ATP6V0D2: variants seen among roughly 807,000 people sequenced by gnomAD.
ATP6V0D2 encodes ATPase H+ transporting V0 subunit d2.
A neutral mutation model predicts 40.0 loss-of-function variants in ATP6V0D2; 40 were observed. The observed-to-expected ratio is 1.00, with a 90% CI of 0.78 to 1.30. The LOEUF (loss-of-function observed/expected upper bound fraction) is 1.30. Among genes scored for constraint, ATP6V0D2 ranks in the 50% most tolerant of loss-of-function variants. ATP6V0D2 has a pLI of 0.00. For synonymous variants in ATP6V0D2, 179 were observed against 156.3 expected (o/e 1.15, Z -1.08); for missense variants, 470 against 423.1 (o/e 1.11, Z -0.97).
chr8:86,119,347 G>A (rs1023036260), intron 2 of ATP6V0D2, among the ~76,000 whole-genome samples: 1 of 150,174 alleles, frequency 6.7e-6, no homozygotes, highest in South Asian at 2.1e-4. Flanking sequence ...TCCTGCTTCA[G>A]CCTTCCAAGT....
At chr8:86,128,336 T>G (rs1380185441) in intron 2 of ATP6V0D2, among the ~76,000 whole-genome samples, 1 of 151,250 alleles carries the variant, frequency 6.6e-6, no homozygotes, top group Non-Finnish European at 1.5e-5. Context: ...GCAACAAGAG[T>G]GAAACTCCAT....
At chr8:86,149,076 C>CAAAAAA (rs1563567503) in intron 5 of ATP6V0D2, among the ~76,000 whole-genome samples, 1 of 114,922 alleles carries the variant, frequency 8.7e-6, no homozygotes, top group Non-Finnish European at 1.7e-5. Context: ...AAAAAAAAAA[C>CAAAAAA]CAATGAACAA....
intron 1 of ATP6V0D2, among the ~76,000 whole-genome samples, chr8:86,103,488 A>C (rs1586083398): frequency 6.6e-6 from 1 of 152,078 alleles, no homozygotes; most frequent in South Asian, 2.1e-4. Flanking sequence ...GAAGCTGATT[A>C]TATCTCACTA....
intron 7 of ATP6V0D2, among the ~76,000 whole-genome samples, 191 bp downstream of exon 7, chr8:86,151,731 T>C (rs1242473403): frequency 6.6e-6 from 1 of 150,450 alleles, no homozygotes; most frequent in Non-Finnish European, 1.5e-5. Context: ...CTAGCAGTGC[T>C]GCTAAAGTTT....
At chr8:86,128,346 T>C (rs1056242692) in intron 2 of ATP6V0D2, among the ~76,000 whole-genome samples, 1 of 148,278 alleles carries the variant, frequency 6.7e-6, no homozygotes, top group African/African-American at 2.6e-5. Flanking sequence ...TGAAACTCCA[T>C]CTCAAAATAA....
In ATP6V0D2 at chr8:86,150,180, C is replaced by A. The variant is rs117846920; in HGVS notation, c.708C>A (p.Asp236Glu). ...NSFGTELSKE[D>E]RETLYPTFGK... ...TTGGCACTGAATTGAGCAAAGAAGACCGAGAGACCCTCTATCCAACCTTCG... is the reference window on the plus strand; with the variant it reads ...TTGGCACTGAATTGAGCAAAGAAGAACGAGAGACCCTCTATCCAACCTTCG... Residue 236 changes from aspartate (D) to glutamate (E), a missense_variant, in exon 6 of 8, where the codon GAC becomes GAA. Coordinates refer to ENST00000285393, the MANE Select transcript of ATP6V0D2 (RefSeq NM_152565.1). The A allele has an allele frequency of 6.2e-7, 1 of 1,613,460 alleles. No individual in the cohort carries two copies. The highest frequency in any genetic ancestry group is 2.2e-5 in the East Asian group (1 of 44,766).
chr8:86,143,371 A>G (rs555856636), intron 5 of ATP6V0D2, among the ~76,000 whole-genome samples: 2 of 152,354 alleles, frequency 1.3e-5, no homozygotes, highest in East Asian at 3.9e-4. Context: ...AAGTGAAAGC[A>G]AGTTTATTAA....
intron 2 of ATP6V0D2, among the ~76,000 whole-genome samples, chr8:86,124,645 A>G (rs1324555697): frequency 6.6e-6 from 1 of 152,184 alleles, no homozygotes; most frequent in Non-Finnish European, 1.5e-5. Context: ...TGGTTTCCTC[A>G]TCTGTAGTAC....
At chr8:86,107,921 G>A (rs1818487339) in intron 1 of ATP6V0D2, among the ~76,000 whole-genome samples, 1 of 152,104 alleles carries the variant, frequency 6.6e-6, no homozygotes, top group Admixed American at 6.5e-5. Flanking sequence ...AGAAGTGTCT[G>A]GTTGTACATC....
intron 2 of ATP6V0D2, among the ~76,000 whole-genome samples, chr8:86,138,875 C>T (rs1025143725): frequency 6.6e-6 from 1 of 152,170 alleles, no homozygotes; most frequent in Non-Finnish European, 1.5e-5. Flanking sequence ...GGGCTTCTTC[C>T]GCATATTCCC....
intron 5 of ATP6V0D2, among the ~76,000 whole-genome samples, chr8:86,149,821 G>A (rs1819118886): frequency 6.6e-6 from 1 of 152,090 alleles, no homozygotes; most frequent in Non-Finnish European, 1.5e-5. Context: ...GCGGCCTAAT[G>A]TGACAGAGAC....
intron 2 of ATP6V0D2, among the ~76,000 whole-genome samples, chr8:86,133,061 T>C (rs892046836): frequency 6.6e-6 from 1 of 152,162 alleles, no homozygotes; most frequent in African/African-American, 2.4e-5. Flanking sequence ...GGTTGAAGTA[T>C]TGGCGTCTTG....
chr8:86,127,237 A>G (rs1009874692), intron 2 of ATP6V0D2, among the ~76,000 whole-genome samples: 1 of 152,212 alleles, frequency 6.6e-6, no homozygotes, highest in Non-Finnish European at 1.5e-5. Flanking sequence ...ATGTAAGCAT[A>G]TGTGGTTAGT....
intron 7 of ATP6V0D2, among the ~76,000 whole-genome samples, chr8:86,151,913 G>A (rs1432482208): frequency 6.6e-6 from 1 of 151,656 alleles, no homozygotes; most frequent in African/African-American, 2.4e-5. Flanking sequence ...ATGAGATAAT[G>A]TTTCTTTTTT....
rs150698519 is a variant in ATP6V0D2, at chr8:86,151,541, G to T, written c.891+1G>T. The T allele has an allele frequency of 3.4e-4, 537 of 1,601,528 alleles. 1 individual carries two copies. In the East Asian group the frequency reaches 0.01, roughly 31 times the overall value. On this transcript the variant is annotated splice_donor_variant, in intron 7 of 7. Coordinates refer to ENST00000285393, the MANE Select transcript of ATP6V0D2 (RefSeq NM_152565.1). LOFTEE classifies it high-confidence loss of function. ...GGAGGACGTGTTTTACGAGCGTGAGGTATGATATAAGTGGAAATACTATTA... is the reference window on the plus strand; with the variant it reads ...GGAGGACGTGTTTTACGAGCGTGAGTTATGATATAAGTGGAAATACTATTA...
chr8:86,099,103 T>G lies in ATP6V0D2; in HGVS notation c.125T>G (p.Leu42Arg), dbSNP rs780754057. ...DYINLVQCET[L>R]EDLKIHLQTT... is the part of the protein sequence containing the mutation. ...ATCAACCTGGTCCAGTGTGAGACCCTAGAAGGTAAGTGTAGCTCTTCTCAC... is the reference window on the plus strand; with the variant it reads ...ATCAACCTGGTCCAGTGTGAGACCCGAGAAGGTAAGTGTAGCTCTTCTCAC... Residue 42 changes from leucine (L) to arginine (R), a missense_variant, in exon 1 of 8, where the codon CTA (leucine) becomes CGA (arginine). By Grantham distance (102) the Leu-to-Arg change is moderately radical (BLOSUM62 -2). Coordinates refer to ENST00000285393, the MANE Select transcript of ATP6V0D2 (RefSeq NM_152565.1). 18 of 1,607,378 alleles carry G rather than the reference T, an allele frequency of 1.1e-5. No homozygotes were observed. The highest frequency in any genetic ancestry group is 2.7e-5 in the African/African-American group (2 of 73,484).
intron 3 of ATP6V0D2, 67 bp downstream of exon 3, chr8:86,139,702 T>C (rs1818948970): frequency 6.1e-6 from 9 of 1,465,544 alleles, no homozygotes; most frequent in Non-Finnish European, 8.2e-6. Context: ...AAATGTACTA[T>C]TTTTTTCTTC....
chr8:86,132,187 G>A (rs1225310540), intron 2 of ATP6V0D2, among the ~76,000 whole-genome samples: 2 of 152,158 alleles, frequency 1.3e-5, no homozygotes, highest in South Asian at 2.1e-4. Context: ...ACCATTTGAA[G>A]TGTTAGTGTG....
At chr8:86,123,741 G>A (rs1818703424) in intron 2 of ATP6V0D2, among the ~76,000 whole-genome samples, 1 of 152,052 alleles carries the variant, frequency 6.6e-6, no homozygotes, top group African/African-American at 2.4e-5. Flanking sequence ...GGAAGACCAT[G>A]GTAAATTAGA....
Sources: gnomAD v4.1 joint callset for allele counts (sites outside exome capture counted in the v4.1 genomes callset) on GRCh38, gnomAD v4.1.1 for gene constraint, MANE v1.5 for transcripts, NCBI Gene and HGNC (gene_info 2026-07-23, HGNC 2026-07-21) for gene names.